Variants in PTPRA observed in about 807,000 individuals in gnomAD.
The protein encoded by PTPRA is receptor-type tyrosine-protein phosphatase alpha.
A neutral mutation model predicts 104.8 loss-of-function variants in PTPRA; 25 were observed. The ratio of observed to expected loss-of-function variants is 0.24; its 90% CI spans 0.17 to 0.33. The LOEUF is 0.33. PTPRA is among the 10% of genes least tolerant of loss of function. The pLI, the probability that PTPRA is intolerant of heterozygous loss-of-function variation, is 1.00. For missense variants in PTPRA, 765 were observed against 1,015.3 expected, an observed-to-expected ratio of 0.75 and a Z score of 3.35; for synonymous variants, 323 against 368.9, an observed-to-expected ratio of 0.88 and a Z score of 1.43.
At chr20:2,943,215 C>CT (rs1000838214) in intron 2 of PTPRA, among the ~76,000 whole-genome samples, 2 of 139,356 alleles carry the variant, frequency 1.4e-5, no homozygotes, top group African/African-American at 5.3e-5. Context: ...ATCCCCCCAC[C>CT]CCCCCCCCAG....
chr20:3,018,004 T>C (rs2064553333), intron 13 of PTPRA, 91 bp downstream of exon 13: 2 of 1,088,928 alleles, frequency 1.8e-6, no homozygotes. Flanking sequence ...TTGTGGGTGC[T>C]GTACCAGTAG....
chr20:2,907,658 T>C (rs2059475706), intron 1 of PTPRA, among the ~76,000 whole-genome samples: 1 of 152,212 alleles, frequency 6.6e-6, no homozygotes, highest in Non-Finnish European at 1.5e-5. Context: ...CACCTTCTTG[T>C]TTGTAGTTGT....
upstream of PTPRA, among the ~76,000 whole-genome samples, chr20:2,868,621 T>TC (rs2089390769): frequency 1.9e-5 from 1 of 51,460 alleles, no homozygotes; most frequent in Non-Finnish European, 3.4e-5. Context: ...TTCTGGGCTT[T>TC]TTTTTTTTTT....
chr20:3,015,464 C>T (rs1348485895), intron 11 of PTPRA, among the ~76,000 whole-genome samples: 4 of 152,060 alleles, frequency 2.6e-5, no homozygotes, highest in African/African-American at 9.6e-5. Flanking sequence ...TGCACCACCA[C>T]GCCCGGCTAA....
intron 3 of PTPRA, among the ~76,000 whole-genome samples, chr20:2,956,466 C>G (rs35546589): frequency 0.21 from 31,161 of 151,796 alleles, 3,616 homozygotes; most frequent in East Asian, 0.38. Context: ...TTATTGAAGC[C>G]CCCTGTGATG....
chr20:2,962,787 G>A (rs993491876), intron 3 of PTPRA, among the ~76,000 whole-genome samples: 1 of 152,174 alleles, frequency 6.6e-6, no homozygotes, highest in African/African-American at 2.4e-5. Flanking sequence ...GGCCACTGCT[G>A]AACCCATTTC....
At chr20:3,027,650 C>A in intron 19 of PTPRA, 57 bp from the exon 20 acceptor site, 1 of 1,587,148 alleles carries the variant, frequency 6.3e-7, no homozygotes, top group Non-Finnish European at 8.6e-7. Context: ...CTGTCTTCTC[C>A]ACTAGTCCCT....
intron 1 of PTPRA, among the ~76,000 whole-genome samples, chr20:2,898,607 T>TA (rs2059112254): frequency 6.6e-6 from 1 of 151,654 alleles, no homozygotes; most frequent in South Asian, 2.1e-4. Context: ...CCTATAATCC[T>TA]AGCACTCTGG....
chr20:3,033,244 C>T (rs1385195165), intron 20 of PTPRA, among the ~76,000 whole-genome samples: 1 of 151,936 alleles, frequency 6.6e-6, no homozygotes, highest in African/African-American at 2.4e-5. Flanking sequence ...TCCCCCGACA[C>T]CAGTCCACCC....
At chr20:3,027,319 A>T in intron 19 of PTPRA, 122 bp downstream of exon 19, 1 of 1,015,814 alleles carries the variant, frequency 9.8e-7, no homozygotes, top group East Asian at 2.4e-5. Flanking sequence ...CAAATAGTGA[A>T]TTGATACTCA....
In PTPRA at chr20:2,950,921, A is replaced by G. The variant is rs2061332559; in HGVS notation, c.-7+2897A>G. Among the ~76,000 whole-genome samples the G allele has an allele frequency of 1.3e-5, 2 of 152,166 alleles. No homozygotes were observed. Among genetic ancestry groups the G allele is most frequent in the South Asian group, 2.1e-4 (1 of 4,812 alleles). On this transcript the variant is annotated intron_variant, in intron 3 of 23. Transcript: ENST00000399903. This position sits in a 1 kb window ranked among gnomAD's most constrained non-coding sequence, Gnocchi z 4.0. Reference sequence around the variant, plus strand: ...GAGTGTGAACATATAATCTCTCCCCAAAGTTTTCTTGTGTCTTTTATAATC... The same window carrying G: ...GAGTGTGAACATATAATCTCTCCCCGAAGTTTTCTTGTGTCTTTTATAATC...
chr20:2,880,383 G>C (rs540137775), intron 1 of PTPRA, among the ~76,000 whole-genome samples: 1 of 152,334 alleles, frequency 6.6e-6, no homozygotes, highest in South Asian at 2.1e-4. Flanking sequence ...TGGGTGTCCT[G>C]AAGGAAGAGA....
chr20:2,982,102 T>C (rs1296229707), intron 6 of PTPRA, among the ~76,000 whole-genome samples: 2 of 151,002 alleles, frequency 1.3e-5, no homozygotes, highest in African/African-American at 4.9e-5. Context: ...TTTTTTTTTT[T>C]TTTTTTGAGG....
Position 2,902,919 on chromosome 20 carries a change from A to AT in PTPRA, c.-128-20284dup, listed in dbSNP as rs201402663. Reference sequence around the variant, plus strand: ...ATTATGACTCCATAATATTTCATGGATTTTGAAGCTGGGCTGCCTGGGTTC... The same window carrying AT: ...ATTATGACTCCATAATATTTCATGGATTTTTGAAGCTGGGCTGCCTGGGTTC... On this transcript the variant is annotated intron_variant, in intron 1 of 23. Coordinates refer to ENST00000399903, the MANE Select transcript of PTPRA (RefSeq NM_001385305.1). 5.6e-3 allele frequency among the ~76,000 whole-genome samples: 853 copies of AT among 152,258 alleles called. 8 individuals carry two copies. Among genetic ancestry groups the AT allele is most frequent in the African/African-American group, 0.019 (788 of 41,536 alleles).
chr20:2,895,794 G>T (rs2058975997), intron 1 of PTPRA, among the ~76,000 whole-genome samples: 2 of 152,154 alleles, frequency 1.3e-5, no homozygotes, highest in Admixed American at 1.3e-4. Context: ...CTTCCAAAGT[G>T]CTGGGATTAC....
chr20:2,974,457 C>T (rs141637326), intron 5 of PTPRA, among the ~76,000 whole-genome samples: 8,335 of 151,358 alleles, frequency 0.055, 723 homozygotes, highest in African/African-American at 0.19. Context: ...AATAGAGTCT[C>T]GCTCTGTTAC....
upstream of PTPRA, among the ~76,000 whole-genome samples, chr20:2,872,159 C>T (rs1040035670): frequency 1.3e-4 from 19 of 151,476 alleles, no homozygotes; most frequent in African/African-American, 4.1e-4. This position sits in a 1 kb window ranked among gnomAD's most constrained non-coding sequence, Gnocchi z 7.9. Context: ...AGGAGTGGGG[C>T]ACAGAGTCCC....
At chr20:2,941,280 C>T (rs1231471626) in intron 2 of PTPRA, among the ~76,000 whole-genome samples, 2 of 152,136 alleles carry the variant, frequency 1.3e-5, no homozygotes, top group African/African-American at 4.8e-5. Context: ...ATCTGCCCTC[C>T]TTGGCCTCCC....
chr20:3,003,255 C>G (rs1305026713), intron 9 of PTPRA, among the ~76,000 whole-genome samples: 1 of 152,144 alleles, frequency 6.6e-6, no homozygotes, highest in Admixed American at 6.5e-5. Context: ...AGCCCAGTGC[C>G]TGGTAGGTAC....
Sources: allele counts gnomAD v4.1 joint callset (sites outside exome capture counted in the v4.1 genomes callset), GRCh38; gene constraint gnomAD v4.1.1; non-coding constraint Gnocchi (gnomAD v3.1); transcripts MANE v1.5; gene names NCBI Gene and HGNC (gene_info 2026-07-23, HGNC 2026-07-21).